The following BAALC variants were observed in gnomAD, a reference collection of about 807,000 sequenced individuals.
BAALC encodes BAALC binder of MAP3K1 and KLF4.
BAALC carries 9 observed loss-of-function variants against 15.5 expected under a neutral mutation model. The ratio of observed to expected loss-of-function variants is 0.58; its 90% CI spans 0.35 to 1.02. The LOEUF is 1.02. BAALC is among the 50% of genes least tolerant of loss of function. The pLI is 0.02. For missense variants in BAALC, 201 were observed against 192.4 expected, an observed-to-expected ratio of 1.04 and a Z score of -0.27; for synonymous variants, 80 against 74.6, an observed-to-expected ratio of 1.07 and a Z score of -0.37.
chr8:103,221,932 T>C (rs942868248), intron 2 of BAALC, among the ~76,000 whole-genome samples: 2 of 152,200 alleles, frequency 1.3e-5, no homozygotes, highest in Non-Finnish European at 2.9e-5. Flanking sequence ...CTTGGTTTTA[T>C]ATATTTTAGG....
intron 2 of BAALC, among the ~76,000 whole-genome samples, chr8:103,221,359 T>C (rs1812674415): frequency 6.6e-6 from 1 of 151,978 alleles, no homozygotes; most frequent in African/African-American, 2.4e-5. Context: ...TCAATGGTGA[T>C]AAAACTCACA....
intron 2 of BAALC, among the ~76,000 whole-genome samples, chr8:103,226,438 C>A (rs76964832): frequency 0.046 from 7,045 of 152,294 alleles, 197 homozygotes; most frequent in South Asian, 0.1. Flanking sequence ...CTGGAGGCTA[C>A]TTGCTGACTG....
At chr8:103,156,948 A>G (rs1811106171) in intron 1 of BAALC, 1 of 152,352 alleles carries the variant, frequency 6.6e-6, no homozygotes, top group African/African-American at 2.4e-5. Context: ...GGGGACCCAG[A>G]GAGAGTGTGC....
rs780152513 is a variant in BAALC at position 103,140,876 on chromosome 8, G to A, written c.-22G>A. 1.3e-5 allele frequency: 20 copies of A among 1,484,798 alleles called. No individual in the cohort carries two copies. The highest frequency in any genetic ancestry group is 4.0e-4 in the Middle Eastern group (2 of 4,952). 92.0% of individuals were successfully genotyped at this position (1,484,798 alleles called of 1,614,324 possible). ...AGAGCCGACAGCCGAGCAGCCGCTG[G>A]GCGCTCCCGCGGCGCAGGAGGATGG... is the stretch of plus-strand genomic sequence containing the variant. On this transcript the variant is annotated 5_prime_UTR_variant, in exon 1 of 3. Coordinates refer to ENST00000309982, the MANE Select transcript of BAALC (RefSeq NM_024812.3). The surrounding 1 kb of genome is among the most constrained non-coding windows in gnomAD (Gnocchi z 4.2).
chr8:103,212,855 G>T (rs1812478193), intron 1 of BAALC, 64 bp from the exon 2 acceptor site: 1 of 1,493,990 alleles, frequency 6.7e-7, no homozygotes, highest in Non-Finnish European at 9.0e-7. Context: ...CCACCATTTT[G>T]GGATTGTTTG....
At chr8:103,158,693 C>T (rs1007797623) in intron 1 of BAALC, among the ~76,000 whole-genome samples, 4 of 151,836 alleles carry the variant, frequency 2.6e-5, no homozygotes, top group African/African-American at 7.3e-5. Flanking sequence ...ACAATACATA[C>T]ATACATACAT....
chr8:103,197,236 G>A (rs939342724), intron 1 of BAALC, among the ~76,000 whole-genome samples: 1 of 150,982 alleles, frequency 6.6e-6, no homozygotes, highest in Non-Finnish European at 1.5e-5. Flanking sequence ...TGAAAGGAAA[G>A]GTTTTAGAGT....
chr8:103,168,238 C>T (rs1811391935), intron 1 of BAALC, among the ~76,000 whole-genome samples: 1 of 152,166 alleles, frequency 6.6e-6, no homozygotes, highest in African/African-American at 2.4e-5. Context: ...AGCTCGTTCT[C>T]TTGTTTCATT....
intron 1 of BAALC, among the ~76,000 whole-genome samples, chr8:103,143,683 C>A (rs983625887): frequency 6.6e-6 from 1 of 152,186 alleles, no homozygotes; most frequent in Admixed American, 6.5e-5. Context: ...TGGTGTCAAA[C>A]TGAAGCCACC....
intron 1 of BAALC, among the ~76,000 whole-genome samples, chr8:103,162,512 C>T (rs1210655862): frequency 6.6e-6 from 1 of 152,198 alleles, no homozygotes; most frequent in East Asian, 1.9e-4. Context: ...GGCTTCCTCA[C>T]AGCATGGTGG....
intron 1 of BAALC, among the ~76,000 whole-genome samples, chr8:103,146,845 G>A (rs2129857326): frequency 6.6e-6 from 1 of 152,322 alleles, no homozygotes; most frequent in Non-Finnish European, 1.5e-5. Flanking sequence ...AAAGGTTTAG[G>A]CAGCCTCATG....
chr8:103,221,752 T>G (rs567316922), intron 2 of BAALC, among the ~76,000 whole-genome samples: 12 of 152,196 alleles, frequency 7.9e-5, no homozygotes, highest in Non-Finnish European at 1.6e-4. Context: ...CTCTCTTGCT[T>G]GGGCTTGAAA....
Position 103,228,267 on chromosome 8 carries a change from A to T in BAALC, c.*168A>T. On this transcript the variant is annotated 3_prime_UTR_variant, in exon 3 of 3. Transcript: ENST00000309982. ...GCAAACTGCTGCCTGATTTGTTGGGACCTTCTGAGCCTTCTACTTATCATG... is the reference window on the plus strand; with the variant it reads ...GCAAACTGCTGCCTGATTTGTTGGGTCCTTCTGAGCCTTCTACTTATCATG... 1 of 593,728 alleles carries T rather than the reference A, an allele frequency of 1.7e-6. No individual in the cohort carries two copies. The highest frequency in any genetic ancestry group is 2.1e-5 in the South Asian group (1 of 47,456). The allele number at this position is 593,728 out of a possible 1,614,324, so 36.8% of individuals were successfully genotyped here.
intron 2 of BAALC, among the ~76,000 whole-genome samples, chr8:103,225,804 TAGC>T: frequency 6.6e-6 from 1 of 152,052 alleles, no homozygotes; most frequent in Non-Finnish European, 1.5e-5. Context: ...TGTGAGCAGT[TAGC>T]AGCCAACAGT....
At position 103,141,001 on chromosome 8, in the gene BAALC, C is replaced by T. The variant is rs1465682665; in HGVS notation, c.104C>T (p.Ala35Val). 9.2e-6 allele frequency: 14 copies of T among 1,524,388 alleles called. No individual in the cohort carries two copies. Among genetic ancestry groups the T allele is most frequent in the Non-Finnish European group, 1.1e-5 (13 of 1,136,510 alleles). The allele number at this position is 1,524,388 out of a possible 1,614,324, so 94.4% of individuals were successfully genotyped here. A position where few individuals can be genotyped will look rare whatever the true frequency, so the allele number is the denominator to read the frequency against. Residue 35 changes from alanine to valine, a missense_variant, in exon 1 of 3, where the codon GCG becomes GTG. Ala to Val is a moderately conservative substitution (Grantham distance 64). Coordinates refer to ENST00000309982, the MANE Select transcript of BAALC (RefSeq NM_024812.3). ...TGGCTCACCTACACCGACTCGGACG[C>T]GCCGCCCAGCGCCGCCGCCCCGGAC... ...STWLTYTDSDAPPSAAAPDSG... is the reference protein window; with the variant it reads ...STWLTYTDSDVPPSAAAPDSG...
chr8:103,214,598 C>T (rs1812518561), intron 2 of BAALC, among the ~76,000 whole-genome samples: 1 of 152,282 alleles, frequency 6.6e-6, no homozygotes, highest in African/African-American at 2.4e-5. Context: ...GTCAGAAAAC[C>T]TGTTGCAAAT....
At chr8:103,163,800 C>T (rs953378479) in intron 1 of BAALC, among the ~76,000 whole-genome samples, 4 of 152,170 alleles carry the variant, frequency 2.6e-5, no homozygotes, top group African/African-American at 9.7e-5. Context: ...TACAAAATCA[C>T]AAGCTCAGTT....
chr8:103,151,694 T>C (rs28672985), intron 1 of BAALC, among the ~76,000 whole-genome samples: 43,846 of 151,738 alleles, frequency 0.29, 6,456 homozygotes, highest in East Asian at 0.42. Context: ...CATTCCTCAT[T>C]AATATGCGGT....
Position 103,212,945 on chromosome 8 carries a change from A to C in BAALC, c.187A>C (p.Asn63His), listed in dbSNP as rs1450110877. ...SGMLEDGLPS[N>H]GVPRSTAPGG... ...CATGCTGGAAGATGGACTGCCCTCC[A>C]ATGGTGTGCCCCGATCTACAGCCCC... Residue 63 changes from asparagine to histidine, a missense_variant, in exon 2 of 3, where the codon AAT becomes CAT. Coordinates refer to ENST00000309982, the MANE Select transcript of BAALC (RefSeq NM_024812.3). 8 of 1,613,700 alleles carry C rather than the reference A, an allele frequency of 5.0e-6. No individual in the cohort carries two copies. The highest frequency in any genetic ancestry group is 6.8e-6 in the Non-Finnish European group (8 of 1,179,738).
Sources: gnomAD v4.1 joint callset for allele counts (sites outside exome capture counted in the v4.1 genomes callset) on GRCh38, gnomAD v4.1.1 for gene constraint, Gnocchi (gnomAD v3.1) non-coding constraint, MANE v1.5 for transcripts, NCBI Gene and HGNC (gene_info 2026-07-23, HGNC 2026-07-21) for gene names.